PTPRN2: variants seen among roughly 807,000 people sequenced by gnomAD.
The protein encoded by PTPRN2 is protein tyrosine phosphatase receptor type N2, also known as receptor-type tyrosine-protein phosphatase N2.
PTPRN2 carries 74 observed loss-of-function variants against 118.8 expected under a neutral mutation model. The observed-to-expected ratio is 0.62, with a 90% CI of 0.52 to 0.76. The LOEUF is 0.76. Ranked by LOEUF, PTPRN2 falls within the 30% of genes least tolerant of loss-of-function variation. The pLI is 0.00. For synonymous variants in PTPRN2, 641 were observed against 608.0 expected (o/e 1.05, Z -0.80); for missense variants, 1,481 against 1,394.4 (o/e 1.06, Z -0.99).
intron 3 of PTPRN2, among the ~76,000 whole-genome samples, chr7:158,211,336 C>T (rs150155006): frequency 1.3e-5 from 2 of 152,116 alleles, no homozygotes; most frequent in Non-Finnish European, 2.9e-5. Context: ...CAAGCACAGG[C>T]AACCAAAGCA....
chr7:157,595,325 C>A lies in PTPRN2; in HGVS notation c.2419-10G>T. On this transcript the variant is annotated splice_polypyrimidine_tract_variant and intron_variant, in intron 16 of 22. Coordinates refer to ENST00000389418, the MANE Select transcript of PTPRN2 (RefSeq NM_002847.5). ...TCGGGTCGTGATCCATCTGCAGAGA[C>A]AAGACCACACCACAGCGGTTAGCCA... The A allele has an allele frequency of 6.2e-7, 1 of 1,613,268 alleles. No homozygotes were observed. Among genetic ancestry groups the A allele is most frequent in the African/African-American group, 1.3e-5 (1 of 74,704 alleles).
chr7:158,227,595 C>A (rs6951312), intron 3 of PTPRN2, among the ~76,000 whole-genome samples: 73,744 of 151,404 alleles, frequency 0.49, 19,032 homozygotes, highest in African/African-American at 0.67. Context: ...GTAGAATTCA[C>A]GACTATATAA....
At chr7:158,376,384 C>T (rs563861435) in intron 2 of PTPRN2, among the ~76,000 whole-genome samples, 39 of 129,406 alleles carry the variant, frequency 3.0e-4, no homozygotes, top group Non-Finnish European at 5.0e-4. Flanking sequence ...ACACGTCCTG[C>T]GAGGGGGGGT....
At chr7:158,204,170 A>G (rs1345859472) in intron 4 of PTPRN2, among the ~76,000 whole-genome samples, 2 of 149,704 alleles carry the variant, frequency 1.3e-5, no homozygotes, top group African/African-American at 4.9e-5. Context: ...TTCTGGGGAA[A>G]GAAGCAGCCG....
intron 2 of PTPRN2, among the ~76,000 whole-genome samples, chr7:158,335,602 T>C (rs1317141721): frequency 3.4e-4 from 5 of 14,712 alleles, no homozygotes; most frequent in Admixed American, 6.4e-4. Flanking sequence ...CTCACACCCA[T>C]ACTCTCACCA....
intron 14 of PTPRN2, among the ~76,000 whole-genome samples, chr7:157,630,520 G>A (rs1023280586): frequency 1.3e-5 from 2 of 152,130 alleles, no homozygotes; most frequent in African/African-American, 2.4e-5. Context: ...TGCCCGTCAC[G>A]GCAGCACCTT....
intron 17 of PTPRN2, among the ~76,000 whole-genome samples, chr7:157,581,108 C>T (rs1800360305): frequency 6.6e-6 from 1 of 151,058 alleles, no homozygotes; most frequent in South Asian, 2.1e-4. Context: ...AGCACCTGCA[C>T]ACCCGAGCAC....
chr7:158,077,214 C>G (rs1280399282), intron 11 of PTPRN2, among the ~76,000 whole-genome samples: 2 of 152,116 alleles, frequency 1.3e-5, no homozygotes, highest in Non-Finnish European at 2.9e-5. Flanking sequence ...AGGAGGGGAG[C>G]CTCTTCCTCC....
At chr7:158,380,911 G>C (rs144340987) in intron 2 of PTPRN2, among the ~76,000 whole-genome samples, 1 of 152,238 alleles carries the variant, frequency 6.6e-6, no homozygotes, top group African/African-American at 2.4e-5. Flanking sequence ...AGCTGCCAAG[G>C]CTTGGGGCTT....
chr7:157,654,295 T>C (rs1585180474), intron 14 of PTPRN2, among the ~76,000 whole-genome samples: 2 of 89,500 alleles, frequency 2.2e-5, no homozygotes, highest in Admixed American at 1.3e-4. Context: ...TGCCCGCCGC[T>C]CCCCACACCC....
intron 12 of PTPRN2, among the ~76,000 whole-genome samples, chr7:157,807,984 A>C (rs376202949): frequency 6.6e-6 from 1 of 152,232 alleles, no homozygotes; most frequent in African/African-American, 2.4e-5. Context: ...GTGAGCTGAG[A>C]TCATTGGCTA....
At chr7:157,540,933 T>C in intron 22 of PTPRN2, 148 bp from the exon 23 acceptor site, 2 of 670,120 alleles carry the variant, frequency 3.0e-6, no homozygotes, top group Non-Finnish European at 5.1e-6. Context: ...AGAAATTGTT[T>C]AGCAAAAAAA....
At chr7:157,748,065 C>T (rs1169666389) in intron 12 of PTPRN2, among the ~76,000 whole-genome samples, 1 of 139,020 alleles carries the variant, frequency 7.2e-6, no homozygotes, top group Non-Finnish European at 1.6e-5. Context: ...ATTCTGAGGC[C>T]TGCGTCTCTC....
At chr7:158,214,689 T>G (rs1426914040) in intron 3 of PTPRN2, among the ~76,000 whole-genome samples, 2 of 151,964 alleles carry the variant, frequency 1.3e-5, no homozygotes, top group Non-Finnish European at 2.9e-5. Context: ...CTCCATTGGG[T>G]TGTAATTACC....
intron 11 of PTPRN2, among the ~76,000 whole-genome samples, chr7:157,966,929 A>G (rs562062393): frequency 6.6e-6 from 1 of 152,358 alleles, no homozygotes; most frequent in South Asian, 2.1e-4. Flanking sequence ...CATCATTTTT[A>G]AAAAGGATTG....
intron 11 of PTPRN2, among the ~76,000 whole-genome samples, chr7:157,951,215 G>A (rs553729658): frequency 6.6e-6 from 1 of 152,118 alleles, no homozygotes; most frequent in Non-Finnish European, 1.5e-5. Flanking sequence ...TTCAGAGAAG[G>A]ATGATCTGTT....
At position 157,899,675 on chromosome 7, in the gene PTPRN2, C is replaced by T. The variant is rs188606414; in HGVS notation, c.1724-938G>A. On this transcript the variant is annotated intron_variant, in intron 11 of 22. Transcript: ENST00000389418. ...TCTGGGGTAATGAAATTATTCCTTT[C>T]GGAGAGGGACGCGATGAGATCTTGT... Among the ~76,000 whole-genome samples the T allele has an allele frequency of 3.0e-4, 45 of 152,286 alleles. No homozygotes were observed. In the East Asian group the frequency reaches 6.8e-3, roughly 23 times the overall value.
rs56710690 is a variant in PTPRN2, at chr7:158,178,589, C to CTTT, written c.550-11301_550-11299dup. On this transcript the variant is annotated intron_variant, in intron 5 of 22. Transcript: ENST00000389418. ...TGTATATATATACTACATTTTCTTT[C>CTTT]TTTTTTTTTTTTTTTTTTTTTTTTT... 6.7e-4 allele frequency among the ~76,000 whole-genome samples: 45 copies of CTTT among 67,366 alleles called. 2 individuals are homozygous for CTTT. The highest frequency in any genetic ancestry group is 2.1e-3 in the African/African-American group (40 of 19,248). 44.2% of individuals were successfully genotyped at this position (67,366 alleles called of 152,430 possible).
rs1827486291 is a variant in PTPRN2 at position 158,563,153 on chromosome 7, T to C, written c.112+24405A>G. On this transcript the variant is annotated intron_variant, in intron 1 of 22. Coordinates refer to ENST00000389418, the MANE Select transcript of PTPRN2 (RefSeq NM_002847.5). The surrounding 1 kb of genome is among the most constrained non-coding windows in gnomAD (Gnocchi z 5.1). ...GTGCAGTGCCACCGAAGAAGAGAGG[T>C]CCTACCTGAAACCTCACAGGGAAAT... Among the ~76,000 whole-genome samples, 1 of 150,758 alleles carries C rather than the reference T, an allele frequency of 6.6e-6. No individual in the cohort carries two copies. Among genetic ancestry groups the C allele is most frequent in the Admixed American group, 6.6e-5 (1 of 15,162 alleles).
Sources: allele counts gnomAD v4.1 joint callset (sites outside exome capture counted in the v4.1 genomes callset), GRCh38; gene constraint gnomAD v4.1.1; non-coding constraint Gnocchi (gnomAD v3.1); transcripts MANE v1.5; gene names NCBI Gene and HGNC (gene_info 2026-07-23, HGNC 2026-07-21).